The following CDH13 variants were observed in gnomAD, a reference collection of about 807,000 sequenced individuals.
CDH13 encodes cadherin 13, also known as cadherin-13.
Under a neutral mutation model 63.8 loss-of-function variants are expected in CDH13, and 24 were observed. The observed-to-expected ratio is 0.38, with a 90% CI of 0.27 to 0.53. The LOEUF (loss-of-function observed/expected upper bound fraction) is 0.53, where lower values mean the gene tolerates loss of function less well. Ranked by LOEUF, CDH13 falls within the 20% of genes least tolerant of loss-of-function variation. The pLI, the probability that CDH13 is intolerant of heterozygous loss-of-function variation, is 0.85. For missense variants in CDH13, 1,049 were observed against 903.1 expected, an observed-to-expected ratio of 1.16 and a Z score of -2.07; for synonymous variants, 503 against 355.3, an observed-to-expected ratio of 1.42 and a Z score of -4.67.
At chr16:83,094,011 T>G (rs780666905) in intron 3 of CDH13, among the ~76,000 whole-genome samples, 9 of 152,200 alleles carry the variant, frequency 5.9e-5, no homozygotes, top group Non-Finnish European at 1.2e-4. Context: ...TGAGCTTTTA[T>G]GAATAGGCAA....
intron 8 of CDH13, among the ~76,000 whole-genome samples, chr16:83,645,279 G>C (rs1911683781): frequency 6.6e-6 from 1 of 152,190 alleles, no homozygotes; most frequent in African/African-American, 2.4e-5. Context: ...ATTATCCTAT[G>C]TGAATTAACT....
At chr16:82,873,872 T>C (rs1462338461) in intron 2 of CDH13, among the ~76,000 whole-genome samples, 1 of 152,152 alleles carries the variant, frequency 6.6e-6, no homozygotes, top group East Asian at 1.9e-4. Context: ...CTTCTGAGAC[T>C]CTCTTTTAAG....
At chr16:83,027,743 C>T (rs1475141614) in intron 2 of CDH13, among the ~76,000 whole-genome samples, 1 of 152,152 alleles carries the variant, frequency 6.6e-6, no homozygotes, top group African/African-American at 2.4e-5. Flanking sequence ...AGCTTATCTC[C>T]ATTCTAACTT....
chr16:83,730,258 C>T (rs1446953819), intron 10 of CDH13, among the ~76,000 whole-genome samples: 1 of 152,202 alleles, frequency 6.6e-6, no homozygotes, highest in African/African-American at 2.4e-5. Context: ...TCTCTCAGAT[C>T]TTCACAATGC....
At chr16:83,707,640 A>G (rs1024654620) in intron 10 of CDH13, among the ~76,000 whole-genome samples, 1 of 152,104 alleles carries the variant, frequency 6.6e-6, no homozygotes, top group Non-Finnish European at 1.5e-5. Context: ...CCTATAAGAC[A>G]GAGATCAGCT....
Position 83,000,579 on chromosome 16 carries a change from T to C in CDH13, c.158-31431T>C, listed in dbSNP as rs1296943529. ...TTGTCTCTTTTTTCTTTTCTCTTTTTTTTTTTTTTTTGTTTTGTTTTGTTT... is the reference window on the plus strand; with the variant it reads ...TTGTCTCTTTTTTCTTTTCTCTTTTCTTTTTTTTTTTGTTTTGTTTTGTTT... On this transcript the variant is annotated intron_variant, in intron 2 of 13. Transcript: ENST00000567109. 1.3e-4 allele frequency among the ~76,000 whole-genome samples: 19 copies of C among 149,738 alleles called. 1 individual carries two copies. Among genetic ancestry groups the C allele is most frequent in the African/African-American group, 3.9e-4 (16 of 40,884 alleles).
rs577683627 is a variant in CDH13, at chr16:82,815,063, C to T, written c.46-43299C>T. On this transcript the variant is annotated intron_variant, in intron 1 of 13. Transcript: ENST00000567109. ...CAGAGAGCTTATTTAATAAATATCT[C>T]ATTCATTTCTTTTTTCTTATCCATT... Among the ~76,000 whole-genome samples the T allele has an allele frequency of 7.2e-5, 11 of 151,902 alleles. No homozygotes were observed. In the South Asian group the frequency reaches 1.2e-3, roughly 17 times the overall value.
intron 1 of CDH13, among the ~76,000 whole-genome samples, chr16:82,629,447 G>C (rs77152070): frequency 2.0e-5 from 3 of 152,150 alleles, no homozygotes; most frequent in Non-Finnish European, 4.4e-5. Context: ...AGAAGTTCAC[G>C]TGCAGAACTC....
intron 2 of CDH13, among the ~76,000 whole-genome samples, chr16:82,937,578 C>G (rs1484769718): frequency 1.3e-5 from 2 of 152,202 alleles, no homozygotes. Flanking sequence ...AAATTTGTGA[C>G]TGACTGAATG....
At chr16:83,170,276 G>A (rs2037862657) in intron 4 of CDH13, among the ~76,000 whole-genome samples, 1 of 152,030 alleles carries the variant, frequency 6.6e-6, no homozygotes, top group Non-Finnish European at 1.5e-5. Flanking sequence ...GAAAAAAAAT[G>A]TGATCATTTT....
At chr16:83,608,982 A>G (rs1908614024) in intron 8 of CDH13, among the ~76,000 whole-genome samples, 1 of 152,238 alleles carries the variant, frequency 6.6e-6, no homozygotes. Flanking sequence ...TTCTTCTAGC[A>G]GGGTTGATAG....
chr16:82,686,463 G>A (rs1022685691), intron 1 of CDH13, among the ~76,000 whole-genome samples: 7 of 152,174 alleles, frequency 4.6e-5, no homozygotes, highest in African/African-American at 1.7e-4. Flanking sequence ...GTATGGGAGA[G>A]GAACTAAAGA....
intron 3 of CDH13, among the ~76,000 whole-genome samples, chr16:83,094,266 C>T (rs1339495060): frequency 6.6e-6 from 1 of 152,156 alleles, no homozygotes; most frequent in African/African-American, 2.4e-5. Flanking sequence ...CCCTCTTTGT[C>T]ATTGCAATGG....
At chr16:83,548,784 A>G (rs1395918002) in intron 7 of CDH13, among the ~76,000 whole-genome samples, 1 of 152,020 alleles carries the variant, frequency 6.6e-6, no homozygotes, top group Non-Finnish European at 1.5e-5. Context: ...CTCACCTTCC[A>G]ACCCCCTGCC....
Position 83,157,736 on chromosome 16 carries a change from TATAAAA to T in CDH13, c.483+32237_483+32242del, listed in dbSNP as rs1459289796. Among the ~76,000 whole-genome samples, 7 of 70,618 alleles carry T rather than the reference TATAAAA, an allele frequency of 9.9e-5. No individual in the cohort carries two copies. The East Asian group carries it at 1.6e-3, about 16-fold the overall frequency. 46.3% of individuals were successfully genotyped at this position (70,618 alleles called of 152,430 possible). Reference sequence around the variant, plus strand: ...GGTGAAACCCCGTCTCTACTAGAAATATAAAAAAAAAAAAAAAAAAAAAAAAATTAT... The same window carrying T: ...GGTGAAACCCCGTCTCTACTAGAAATAAAAAAAAAAAAAAAAAAAAATTAT... On this transcript the variant is annotated intron_variant, in intron 4 of 13. Coordinates refer to ENST00000567109, the MANE Select transcript of CDH13 (RefSeq NM_001257.5).
intron 3 of CDH13, among the ~76,000 whole-genome samples, chr16:83,122,544 G>A (rs995350158): frequency 2.6e-5 from 4 of 152,054 alleles, no homozygotes; most frequent in African/African-American, 7.2e-5. Context: ...ATAACAACAC[G>A]TTTCCCTTGA....
chr16:83,128,281 C>T (rs76330335), intron 4 of CDH13, among the ~76,000 whole-genome samples: 8,235 of 152,126 alleles, frequency 0.054, 676 homozygotes, highest in African/African-American at 0.18. Context: ...AGCAGTCCTC[C>T]AAGAGTGGTT....
intron 2 of CDH13, among the ~76,000 whole-genome samples, chr16:83,031,179 C>T (rs1916274753): frequency 6.9e-6 from 1 of 143,988 alleles, no homozygotes; most frequent in Non-Finnish European, 1.5e-5. Context: ...TATACATGCG[C>T]ATGTATACAC....
rs535772918 is a variant in CDH13, at chr16:83,196,180, C to T, written c.484-21165C>T. Among the ~76,000 whole-genome samples the T allele has an allele frequency of 1.4e-4, 21 of 152,124 alleles. No homozygotes were observed. The South Asian group carries it at 3.1e-3, about 23-fold the overall frequency. ...CTGAAGCAGGAGAATCACTTGAACC[C>T]GGGAGGCGGAGGTTGCAGTGAGCCT... On this transcript the variant is annotated intron_variant, in intron 4 of 13. Coordinates refer to ENST00000567109, the MANE Select transcript of CDH13 (RefSeq NM_001257.5).
Sources: gnomAD v4.1 joint callset for allele counts (sites outside exome capture counted in the v4.1 genomes callset) on GRCh38, gnomAD v4.1.1 for gene constraint, MANE v1.5 for transcripts, NCBI Gene and HGNC (gene_info 2026-07-23, HGNC 2026-07-21) for gene names.